Variants in NAALADL2 observed in about 807,000 individuals in gnomAD.
NAALADL2 encodes the protein N-acetylated alpha-linked acidic dipeptidase like 2.
A neutral mutation model predicts 87.2 loss-of-function variants in NAALADL2; 76 were observed. The ratio of observed to expected loss-of-function variants is 0.87; its 90% CI spans 0.72 to 1.05. The LOEUF (loss-of-function observed/expected upper bound fraction) is 1.05, where lower values mean the gene tolerates loss of function less well. Ranked by LOEUF, NAALADL2 falls within the 50% of genes least tolerant of loss-of-function variation. The pLI is 0.00. For synonymous variants in NAALADL2, 354 were observed against 331.0 expected (o/e 1.07, Z -0.75); for missense variants, 1,089 against 945.8 (o/e 1.15, Z -1.99).
chr3:174,659,775 C>T (rs1051943295), intron 2 of NAALADL2, among the ~76,000 whole-genome samples: 1 of 152,178 alleles, frequency 6.6e-6, no homozygotes. Flanking sequence ...ATGGTCACGT[C>T]TCCTGTCATG....
chr3:174,998,133 C>T (rs750584053), intron 1 of NAALADL2, among the ~76,000 whole-genome samples: 15 of 152,104 alleles, frequency 9.9e-5, no homozygotes, highest in Non-Finnish European at 2.2e-4. Context: ...ATTATAATAG[C>T]TAACATTTAT....
chr3:174,587,905 G>C (rs1257061644), intron 2 of NAALADL2, among the ~76,000 whole-genome samples: 1 of 152,076 alleles, frequency 6.6e-6, no homozygotes, highest in African/African-American at 2.4e-5. Context: ...TGTATTTCCT[G>C]AATTTGAATG....
At chr3:174,943,068 T>G (rs1738853800) in intron 1 of NAALADL2, among the ~76,000 whole-genome samples, 1 of 152,220 alleles carries the variant, frequency 6.6e-6, no homozygotes, top group Non-Finnish European at 1.5e-5. Flanking sequence ...TGAACTCTTG[T>G]TGCAAAATTG....
intron 11 of NAALADL2, among the ~76,000 whole-genome samples, chr3:175,666,679 C>A (rs571777861): frequency 6.6e-6 from 1 of 151,918 alleles, no homozygotes. Context: ...GTCCCTGGAG[C>A]GTAACTATAC....
At chr3:175,107,501 AACACACACATACACACAC>A (rs1208384648) in intron 2 of NAALADL2, among the ~76,000 whole-genome samples, 9 of 138,674 alleles carry the variant, frequency 6.5e-5, no homozygotes, top group Non-Finnish European at 1.1e-4. Flanking sequence ...CACAAGCACG[AACACACACATACACACAC>A]ACACACACAC....
intron 1 of NAALADL2, among the ~76,000 whole-genome samples, chr3:174,480,866 G>A (rs1717504008): frequency 1.3e-5 from 2 of 152,002 alleles, no homozygotes; most frequent in South Asian, 4.1e-4. Flanking sequence ...TCTTGAAGTT[G>A]AGTAGATAAG....
At chr3:175,382,561 C>T (rs1248546070) in intron 5 of NAALADL2, among the ~76,000 whole-genome samples, 1 of 48,292 alleles carries the variant, frequency 2.1e-5, no homozygotes, top group East Asian at 1.2e-3. Context: ...CTCTTTGAGC[C>T]AAGTGAATTG....
intron 3 of NAALADL2, among the ~76,000 whole-genome samples, chr3:175,244,859 T>C (rs1301766375): frequency 6.6e-6 from 1 of 152,190 alleles, no homozygotes; most frequent in Non-Finnish European, 1.5e-5. Context: ...CTTTGGGGCA[T>C]GTCAGCATTG....
At chr3:174,548,744 G>T (rs1711726404) in intron 1 of NAALADL2, among the ~76,000 whole-genome samples, 1 of 151,998 alleles carries the variant, frequency 6.6e-6, no homozygotes, top group African/African-American at 2.4e-5. Flanking sequence ...CATTTTTATT[G>T]CCTCCTTTCT....
intron 1 of NAALADL2, among the ~76,000 whole-genome samples, chr3:174,898,045 G>A (rs1382470140): frequency 2.4e-5 from 3 of 124,428 alleles, no homozygotes; most frequent in Admixed American, 8.1e-5. Flanking sequence ...CCCGGGAGGC[G>A]GAGCTTGCAG....
chr3:175,287,680 C>A (rs1339409341), intron 4 of NAALADL2, among the ~76,000 whole-genome samples: 1 of 152,148 alleles, frequency 6.6e-6, no homozygotes, highest in Non-Finnish European at 1.5e-5. Flanking sequence ...ATCCAGAAAG[C>A]CCTACAATAT....
intron 11 of NAALADL2, among the ~76,000 whole-genome samples, chr3:175,639,340 A>ATTTTT (rs1728979481): frequency 1.9e-5 from 1 of 52,596 alleles, no homozygotes; most frequent in Non-Finnish European, 3.2e-5. Flanking sequence ...TTTTTTTTTG[A>ATTTTT]GACGGAGTCT....
intron 1 of NAALADL2, among the ~76,000 whole-genome samples, chr3:174,484,191 A>G (rs1488288768): frequency 1.5e-5 from 2 of 136,578 alleles, no homozygotes; most frequent in Non-Finnish European, 3.2e-5. Flanking sequence ...TGTGATTTAC[A>G]TTATGGTATA....
At chr3:175,513,683 G>A (rs1184108898) in intron 9 of NAALADL2, among the ~76,000 whole-genome samples, 2 of 152,200 alleles carry the variant, frequency 1.3e-5, no homozygotes, top group Admixed American at 6.5e-5. Context: ...TGGGAAATAT[G>A]ATTTACAGTG....
In NAALADL2 at chr3:174,819,058, C is replaced by CTTTTTT. The variant is rs3040106; in HGVS notation, c.-9+81335_-9+81340dup. On this transcript the variant is annotated intron_variant, in intron 3 of 3. Coordinates refer to the NAALADL2 transcript ENST00000434257. ...GAATTTCTTTATTATACCATTTATTCTTTTTTTTTTTTTTTTTTTTTTTTT... is the reference window on the plus strand; with the variant it reads ...GAATTTCTTTATTATACCATTTATTCTTTTTTTTTTTTTTTTTTTTTTTTTTTTTTT... Among the ~76,000 whole-genome samples the CTTTTTT allele has an allele frequency of 6.9e-4, 33 of 47,546 alleles. 2 individuals are homozygous for CTTTTTT. Among genetic ancestry groups the CTTTTTT allele is most frequent in the Non-Finnish European group, 7.6e-4 (19 of 25,124 alleles). The allele number at this position is 47,546 out of a possible 152,430, so 31.2% of individuals were successfully genotyped here.
chr3:174,815,450 G>C (rs1720678674), intron 3 of NAALADL2, among the ~76,000 whole-genome samples: 1 of 151,870 alleles, frequency 6.6e-6, no homozygotes, highest in African/African-American at 2.4e-5. Context: ...TAAGAGATAG[G>C]GTCTTGCTGT....
intron 2 of NAALADL2, among the ~76,000 whole-genome samples, chr3:175,111,707 T>C (rs1724222556): frequency 6.6e-6 from 1 of 151,698 alleles, no homozygotes; most frequent in African/African-American, 2.4e-5. Flanking sequence ...TGTTTAGACT[T>C]AGGTTTCACT....
intron 11 of NAALADL2, among the ~76,000 whole-genome samples, chr3:175,689,754 TACTCTGG>T (rs1233291744): frequency 6.6e-6 from 1 of 152,152 alleles, no homozygotes; most frequent in African/African-American, 2.4e-5. Context: ...TCTTATTTTT[TACTCTGG>T]ACTTCTTCAA....
chr3:175,249,990 A>G (rs2109753958), intron 3 of NAALADL2, among the ~76,000 whole-genome samples: 1 of 152,024 alleles, frequency 6.6e-6, no homozygotes, highest in South Asian at 2.1e-4. Flanking sequence ...ACCAACATGG[A>G]GAAACTCCGT....
Sources: gnomAD v4.1 joint callset for allele counts (sites outside exome capture counted in the v4.1 genomes callset) on GRCh38, gnomAD v4.1.1 for gene constraint, MANE v1.5 for transcripts, NCBI Gene and HGNC (gene_info 2026-07-23, HGNC 2026-07-21) for gene names.